Variants in GRIA1 observed in about 807,000 individuals in gnomAD.
GRIA1 encodes the protein glutamate ionotropic receptor AMPA type subunit 1.
In GRIA1, 31 loss-of-function variants were observed where a neutral mutation model predicts 99.2. That is an observed-to-expected ratio of 0.31 (90% CI 0.23 to 0.42). The LOEUF (loss-of-function observed/expected upper bound fraction) is 0.42, where lower values mean the gene tolerates loss of function less well. Ranked by LOEUF, GRIA1 falls within the 10% of genes least tolerant of loss-of-function variation. The probability of loss-of-function intolerance (pLI) is 1.00; values close to 1 mark genes in which losing one functional copy is unlikely to be tolerated. For missense variants in GRIA1, 782 were observed against 1,157.5 expected, an observed-to-expected ratio of 0.68 and a Z score of 4.71; for synonymous variants, 438 against 432.4, an observed-to-expected ratio of 1.01 and a Z score of -0.16.
chr5:153,785,497 T>A (rs887659190), intron 13 of GRIA1, among the ~76,000 whole-genome samples: 3 of 152,026 alleles, frequency 2.0e-5, no homozygotes, highest in Non-Finnish European at 4.4e-5. Context: ...ACAAAAAAAA[T>A]TACCGTCTCT....
At chr5:153,663,178 A>G (rs1478686092) in intron 5 of GRIA1, among the ~76,000 whole-genome samples, 1 of 152,156 alleles carries the variant, frequency 6.6e-6, no homozygotes, top group Admixed American at 6.5e-5. Context: ...GACCTCTGAG[A>G]TTTTCTGCCT....
At chr5:153,633,205 A>G (rs1462724453) in intron 2 of GRIA1, among the ~76,000 whole-genome samples, 4 of 152,050 alleles carry the variant, frequency 2.6e-5, no homozygotes, top group Non-Finnish European at 4.4e-5. Context: ...CTTTCCTCAA[A>G]TGCTTCCCCC....
chr5:153,615,018 C>T (rs1433564918), intron 2 of GRIA1, among the ~76,000 whole-genome samples: 1 of 152,200 alleles, frequency 6.6e-6, no homozygotes, highest in Non-Finnish European at 1.5e-5. Context: ...CTATGGATAA[C>T]ATTTTCCAAA....
At chr5:153,674,803 G>A (rs752404271) in intron 6 of GRIA1, 142 bp downstream of exon 6, 1 of 896,234 alleles carries the variant, frequency 1.1e-6, no homozygotes. Flanking sequence ...AAGATTATTA[G>A]GTACAAGGTG....
intron 5 of GRIA1, among the ~76,000 whole-genome samples, chr5:153,667,852 C>A (rs1378154092): frequency 2.6e-5 from 4 of 152,186 alleles, no homozygotes; most frequent in Non-Finnish European, 5.9e-5. Context: ...GTGTTAAACA[C>A]CTCTTTAGGA....
At chr5:153,650,199 G>C (rs1754451173) in intron 3 of GRIA1, 131 bp from the exon 4 acceptor site, 2 of 674,910 alleles carry the variant, frequency 3.0e-6, no homozygotes, top group African/African-American at 1.8e-5. Flanking sequence ...TGCAGCCAGA[G>C]AAAACTAGAA....
intron 2 of GRIA1, among the ~76,000 whole-genome samples, chr5:153,597,330 C>T (rs991903106): frequency 1.3e-5 from 2 of 152,178 alleles, no homozygotes; most frequent in African/African-American, 4.8e-5. Context: ...GCCATGGATC[C>T]TGCACCCCAT....
At chr5:153,736,881 G>C (rs988805755) in intron 11 of GRIA1, among the ~76,000 whole-genome samples, 1 of 152,098 alleles carries the variant, frequency 6.6e-6, no homozygotes, top group African/African-American at 2.4e-5. Context: ...TACTCAATTT[G>C]GTTGGAACAC....
At chr5:153,628,583 A>G (rs1159607668) in intron 2 of GRIA1, among the ~76,000 whole-genome samples, 1 of 152,232 alleles carries the variant, frequency 6.6e-6, no homozygotes, top group South Asian at 2.1e-4. Flanking sequence ...TCTGGGTAGC[A>G]TCTGAGGCTA....
At chr5:153,742,801 C>T (rs79043733) in intron 11 of GRIA1, among the ~76,000 whole-genome samples, 8,007 of 152,282 alleles carry the variant, frequency 0.053, 352 homozygotes, top group Non-Finnish European at 0.078. Context: ...CTTCTGCCTT[C>T]CTCTTTCAAT....
chr5:153,549,328 T>C (rs950658663), intron 2 of GRIA1, among the ~76,000 whole-genome samples: 2 of 152,208 alleles, frequency 1.3e-5, no homozygotes, highest in Non-Finnish European at 2.9e-5. Flanking sequence ...TTATTACTTG[T>C]GGATCCTTGA....
chr5:153,491,070 G>T (rs1034533547), intron 1 of GRIA1, 100 bp downstream of exon 1: 6 of 1,221,288 alleles, frequency 4.9e-6, no homozygotes, highest in Non-Finnish European at 7.3e-6. Context: ...TGACTGTTTT[G>T]CTTGGCTCCC....
chr5:153,562,353 C>A (rs994939111), intron 2 of GRIA1, among the ~76,000 whole-genome samples: 3 of 152,054 alleles, frequency 2.0e-5, no homozygotes, highest in African/African-American at 7.2e-5. Context: ...TCATGACAAG[C>A]CTGACCCAAC....
At chr5:153,735,437 TAGAACGGAAC>T (rs1761318210) in intron 11 of GRIA1, among the ~76,000 whole-genome samples, 1 of 152,158 alleles carries the variant, frequency 6.6e-6, no homozygotes, top group Non-Finnish European at 1.5e-5. Flanking sequence ...CACCAGTAAT[TAGAACGGAAC>T]AGAATAGGAC....
intron 2 of GRIA1, among the ~76,000 whole-genome samples, chr5:153,596,296 T>A (rs977112740): frequency 6.6e-6 from 1 of 152,186 alleles, no homozygotes; most frequent in African/African-American, 2.4e-5. Context: ...CTTTGAAAAA[T>A]GTATGCAAGA....
intron 11 of GRIA1, among the ~76,000 whole-genome samples, chr5:153,745,604 A>G (rs1020764280): frequency 7.3e-5 from 11 of 151,082 alleles, no homozygotes; most frequent in African/African-American, 2.4e-4. Context: ...AAAAAAAAAA[A>G]AAAAAAAAGA....
intron 2 of GRIA1, among the ~76,000 whole-genome samples, chr5:153,593,224 G>A (rs958932134): frequency 5.9e-5 from 9 of 152,084 alleles, no homozygotes; most frequent in African/African-American, 1.4e-4. Flanking sequence ...CTGACATCAC[G>A]CCACTGCCCT....
intron 2 of GRIA1, among the ~76,000 whole-genome samples, chr5:153,622,736 C>A (rs563066171): frequency 2.0e-5 from 3 of 152,170 alleles, no homozygotes; most frequent in African/African-American, 7.2e-5. Context: ...TAATGGCTAA[C>A]CTTTTTTCAG....
chr5:153,629,273 A>G (rs995447551), intron 2 of GRIA1, among the ~76,000 whole-genome samples: 1 of 151,950 alleles, frequency 6.6e-6, no homozygotes, highest in Admixed American at 6.6e-5. Context: ...TCGTGCTTCC[A>G]CAAGGCATCC....
Sources: allele counts gnomAD v4.1 joint callset (sites outside exome capture counted in the v4.1 genomes callset), GRCh38; gene constraint gnomAD v4.1.1; transcripts MANE v1.5; gene names NCBI Gene and HGNC (gene_info 2026-07-23, HGNC 2026-07-21).